ANK3: variants seen among roughly 807,000 people sequenced by gnomAD.
The protein encoded by ANK3 is ankyrin 3, also known as ankyrin-3.
ANK3 carries 57 observed loss-of-function variants against 370.9 expected under a neutral mutation model. The ratio of observed to expected loss-of-function variants is 0.15; its 90% CI spans 0.12 to 0.19. The LOEUF is 0.19. ANK3 is among the 10% of genes least tolerant of loss of function. The pLI, the probability that ANK3 is intolerant of heterozygous loss-of-function variation, is 1.00. For synonymous variants in ANK3, 1,929 were observed against 1,946.3 expected (o/e 0.99, Z 0.23); for missense variants, 4,439 against 5,302.1 (o/e 0.84, Z 5.06).
intron 17 of ANK3, among the ~76,000 whole-genome samples, chr10:60,182,005 G>A (rs2096204482): frequency 6.6e-6 from 1 of 151,402 alleles, no homozygotes; most frequent in Non-Finnish European, 1.5e-5. Flanking sequence ...ATTCATTTGT[G>A]GCAATATTAA....
Position 60,140,783 on chromosome 10 carries a change from G to C in ANK3, c.2615-1696C>G, listed in dbSNP as rs74514676. 2,600 of 1,023,816 alleles carry C rather than the reference G, an allele frequency of 2.5e-3. 53 individuals are homozygous for C. The African/African-American group carries it at 0.04, about 16-fold the overall frequency. 63.4% of individuals were successfully genotyped at this position (1,023,816 alleles called of 1,614,324 possible). On this transcript the variant is annotated intron_variant, in intron 23 of 43. Coordinates refer to ENST00000280772, the MANE Select transcript of ANK3 (RefSeq NM_020987.5). ...GTATGTAAATATGAGGACTGCTCCGGTGTAGACTTTCGGTAATTTGATACC... is the reference window on the plus strand; with the variant it reads ...GTATGTAAATATGAGGACTGCTCCGCTGTAGACTTTCGGTAATTTGATACC...
chr10:60,125,014 C>A (rs1193075637), intron 25 of ANK3, among the ~76,000 whole-genome samples: 1 of 151,986 alleles, frequency 6.6e-6, no homozygotes, highest in Non-Finnish European at 1.5e-5. Context: ...CAAACCGCGA[C>A]CCAAATAGAT....
chr10:60,321,932 G>T (rs575771930), intron 1 of ANK3, among the ~76,000 whole-genome samples: 2 of 152,042 alleles, frequency 1.3e-5, no homozygotes, highest in African/African-American at 4.8e-5. Context: ...GAACTCTTGC[G>T]GTGGGGGGTG....
At chr10:60,675,105 A>G (rs1027491590) in intron 1 of ANK3, among the ~76,000 whole-genome samples, 6 of 152,224 alleles carry the variant, frequency 3.9e-5, no homozygotes, top group South Asian at 2.1e-4. Flanking sequence ...TTACAGTTGC[A>G]TAAGAGTTAT....
At chr10:60,306,336 T>C (rs899964978) in intron 1 of ANK3, among the ~76,000 whole-genome samples, 23 of 151,946 alleles carry the variant, frequency 1.5e-4, no homozygotes, top group Non-Finnish European at 7.4e-5. Flanking sequence ...GTTACTTCAC[T>C]TACAATAATG....
rs563648196 is a variant in ANK3 at position 60,603,729 on chromosome 10, A to C, written c.96+11457T>G. On this transcript the variant is annotated intron_variant, in intron 2 of 43. Transcript: ENST00000373827. ...CTATTAGTTCAAGAACCCAGACTGC[A>C]ATTTTGCCAGATACTGGTATCAAGT... is the stretch of plus-strand genomic sequence containing the variant. 5.1e-3 allele frequency among the ~76,000 whole-genome samples: 778 copies of C among 152,232 alleles called. 3 individuals are homozygous for C. Among genetic ancestry groups the C allele is most frequent in the Middle Eastern group, 0.01 (3 of 294 alleles).
At chr10:60,257,372 G>C (rs2097755007) in intron 7 of ANK3, among the ~76,000 whole-genome samples, 2 of 152,150 alleles carry the variant, frequency 1.3e-5, no homozygotes, top group African/African-American at 4.8e-5. Flanking sequence ...TCATCATAAA[G>C]TTAAGTAGCT....
At chr10:60,374,878 T>C (rs1457548196) in intron 1 of ANK3, among the ~76,000 whole-genome samples, 1 of 152,264 alleles carries the variant, frequency 6.6e-6, no homozygotes, top group African/African-American at 2.4e-5. Flanking sequence ...TTTATTGAAG[T>C]GGACATATGT....
chr10:60,335,566 C>T (rs1419902502), intron 1 of ANK3, among the ~76,000 whole-genome samples: 3 of 152,048 alleles, frequency 2.0e-5, no homozygotes, highest in Non-Finnish European at 4.4e-5. Context: ...CAAACCAGGG[C>T]AAGACATCAA....
At chr10:60,579,025 T>C (rs2077714858) in intron 2 of ANK3, among the ~76,000 whole-genome samples, 1 of 151,676 alleles carries the variant, frequency 6.6e-6, no homozygotes, top group Non-Finnish European at 1.5e-5. Context: ...GAAAAAAAAA[T>C]GAGCTTAAAA....
rs1419351394 is a variant in ANK3, at chr10:60,027,294, T to G, written c.*2552A>C. 6.7e-6 allele frequency: 1 copy of G among 148,856 alleles called. No individual in the cohort carries two copies. 9.2% of individuals were successfully genotyped at this position (148,856 alleles called of 1,614,324 possible). A position where few individuals can be genotyped will look rare whatever the true frequency, so the allele number is the denominator to read the frequency against. On this transcript the variant is annotated 3_prime_UTR_variant, in exon 44 of 44. Coordinates refer to ENST00000280772, the MANE Select transcript of ANK3 (RefSeq NM_020987.5). ...AGAGGCATTTTGGGAAAGTTTTTTT[T>G]TTTTTTTTTTTTTAAAAAAAAAACC...
chr10:60,272,482 TTG>T (rs1189721367), intron 4 of ANK3, among the ~76,000 whole-genome samples: 1 of 57,910 alleles, frequency 1.7e-5, no homozygotes, highest in African/African-American at 6.9e-5. Flanking sequence ...TTGTTCTTGT[TTG>T]TTTTTTTTTT....
rs1184302793 is a variant in ANK3, at chr10:60,071,910, A to G, written c.8971T>C (p.Ser2991Pro). 1 of 1,614,022 alleles carries G rather than the reference A, an allele frequency of 6.2e-7. No homozygotes were observed. The highest frequency in any genetic ancestry group is 2.2e-5 in the East Asian group (1 of 44,866). ...EQSAFPKHELSQKLSQSSMSK... is the reference protein window; with the variant it reads ...EQSAFPKHELPQKLSQSSMSK... ...ATGCTTGACTGGGACAATTTTTGTG[A>G]TAGTTCATGTTTTGGAAATGCCGAC... Residue 2991 changes from serine (S) to proline (P), a missense_variant, in exon 37 of 44, where the codon TCA (serine) becomes CCA (proline). By Grantham distance (74) the Ser-to-Pro change is moderately conservative. Around this residue, in one of 13 missense-constraint regions of ANK3, gnomAD observed 1,601 missense variants for 1,731.7 expected, o/e 0.92. Transcript: ENST00000280772.
intron 1 of ANK3, among the ~76,000 whole-genome samples, chr10:60,323,533 T>TAC (rs979620523): frequency 1.1e-4 from 17 of 151,986 alleles, no homozygotes; most frequent in Admixed American, 5.9e-4. Flanking sequence ...CTATTAGAGA[T>TAC]ACACACACAC....
At chr10:60,416,303 T>C (rs530659199) in intron 2 of ANK3, among the ~76,000 whole-genome samples, 2 of 152,342 alleles carry the variant, frequency 1.3e-5, no homozygotes, top group African/African-American at 4.8e-5. Flanking sequence ...AATGAACAAC[T>C]ATTGTTACAT....
intron 28 of ANK3, among the ~76,000 whole-genome samples, chr10:60,100,417 C>A (rs780065917): frequency 5.3e-5 from 8 of 151,968 alleles, no homozygotes; most frequent in Non-Finnish European, 1.0e-4. Context: ...TGACTTAACA[C>A]TATTGGTCTC....
intron 1 of ANK3, among the ~76,000 whole-genome samples, chr10:60,303,247 A>C (rs1593350266): frequency 6.6e-6 from 1 of 152,244 alleles, no homozygotes. Flanking sequence ...ATAGTAAAGA[A>C]AACAATCAAC....
intron 2 of ANK3, among the ~76,000 whole-genome samples, chr10:60,503,073 C>A (rs920324658): frequency 7.9e-5 from 12 of 152,168 alleles, no homozygotes; most frequent in Non-Finnish European, 1.5e-4. Flanking sequence ...ATTTACCATC[C>A]ATTTATACTC....
chr10:60,688,100 C>A (rs544601890), intron 1 of ANK3, among the ~76,000 whole-genome samples: 18 of 151,482 alleles, frequency 1.2e-4, no homozygotes, highest in African/African-American at 3.4e-4. Context: ...TTTTTTGAGA[C>A]CTTTCCTTAC....
Sources: gnomAD v4.1 joint callset for allele counts (sites outside exome capture counted in the v4.1 genomes callset) on GRCh38, gnomAD v4.1.1 for gene constraint, gnomAD v4.1.1 regional missense constraint, MANE v1.5 for transcripts, NCBI Gene and HGNC (gene_info 2026-07-23, HGNC 2026-07-21) for gene names.